Variants in MTFR1 observed in about 807,000 individuals in gnomAD.
MTFR1 encodes chondrocyte protein with a poly-proline region.
Under a neutral mutation model 38.8 loss-of-function variants are expected in MTFR1, and 28 were observed. That is an observed-to-expected ratio of 0.72 (90% CI 0.53 to 0.99). The LOEUF (loss-of-function observed/expected upper bound fraction) is 0.99. Among genes scored for constraint, MTFR1 ranks in the 50% least tolerant of loss-of-function variants. The pLI is 0.00. For synonymous variants in MTFR1, 145 were observed against 137.0 expected (o/e 1.06, Z -0.41); for missense variants, 358 against 395.5 (o/e 0.91, Z 0.81).
At position 65,663,372 on chromosome 8, in the gene MTFR1, T is replaced by C. The variant is rs530747667; in HGVS notation, c.-80-6501T>C. Reference sequence around the variant, plus strand: ...GTCATCACCACTCTCTAATCTCAAGTACCCAGGGACACAAACACTGTGGAA... The same window carrying C: ...GTCATCACCACTCTCTAATCTCAAGCACCCAGGGACACAAACACTGTGGAA... On this transcript the variant is annotated intron_variant, in intron 1 of 7. Coordinates refer to ENST00000262146, the MANE Select transcript of MTFR1 (RefSeq NM_014637.4). Among the ~76,000 whole-genome samples the C allele has an allele frequency of 2.0e-4, 31 of 151,978 alleles. No individual in the cohort carries two copies. In the East Asian group the frequency reaches 5.8e-3, roughly 28 times the overall value.
chr8:65,753,347 T>A (rs1808057373), intron 3 of MTFR1, among the ~76,000 whole-genome samples: 1 of 152,186 alleles, frequency 6.6e-6, no homozygotes, highest in African/African-American at 2.4e-5. Flanking sequence ...AATGGCTCTC[T>A]CCTTCTCTGC....
At chr8:65,663,692 T>G (rs1183083031) in intron 1 of MTFR1, among the ~76,000 whole-genome samples, 1 of 152,046 alleles carries the variant, frequency 6.6e-6, no homozygotes, top group East Asian at 1.9e-4. Flanking sequence ...TGGAGCTCTC[T>G]TAATTACTTG....
At chr8:65,767,139 T>C (rs115656531) in intron 3 of MTFR1, among the ~76,000 whole-genome samples, 61 of 152,302 alleles carry the variant, frequency 4.0e-4, no homozygotes, top group African/African-American at 1.4e-3. Context: ...GTGGCTAATC[T>C]TGTAGCCCTC....
intron 2 of MTFR1, 66 bp downstream of exon 2, chr8:65,670,084 A>G (rs1804527970): frequency 5.1e-6 from 7 of 1,366,558 alleles, no homozygotes; most frequent in Non-Finnish European, 6.1e-6. Context: ...TTTCTGAGAA[A>G]ATGAAATAAA....
intron 1 of MTFR1, among the ~76,000 whole-genome samples, chr8:65,646,171 T>A (rs960945006): frequency 6.6e-6 from 1 of 152,228 alleles, no homozygotes; most frequent in Non-Finnish European, 1.5e-5. Context: ...ACTGTGAAGT[T>A]GTTTCCACCT....
chr8:65,703,438 T>G (rs1036628632), intron 4 of MTFR1, among the ~76,000 whole-genome samples: 22 of 130,494 alleles, frequency 1.7e-4, no homozygotes, highest in African/African-American at 5.5e-4. Flanking sequence ...TTTTTTTTTT[T>G]TTTTTTTTTT....
intron 3 of MTFR1, chr8:65,727,193 G>A (rs1226769052): frequency 1.9e-6 from 3 of 1,607,246 alleles, no homozygotes; most frequent in Non-Finnish European, 2.6e-6. Context: ...GCCAAGTAAT[G>A]GTTAGTTTTA....
At chr8:65,660,392 C>T (rs1809379587) in intron 1 of MTFR1, among the ~76,000 whole-genome samples, 1 of 150,174 alleles carries the variant, frequency 6.7e-6, no homozygotes. Flanking sequence ...GCTGGTAAAA[C>T]ATCACTACTG....
At chr8:65,701,487 T>C (rs1048065837) in intron 4 of MTFR1, among the ~76,000 whole-genome samples, 3 of 152,238 alleles carry the variant, frequency 2.0e-5, no homozygotes, top group Non-Finnish European at 4.4e-5. Context: ...TATATTAATT[T>C]CTAGTTGTAT....
chr8:65,757,712 G>A (rs570690035), intron 3 of MTFR1, among the ~76,000 whole-genome samples: 73 of 152,226 alleles, frequency 4.8e-4, no homozygotes, highest in African/African-American at 1.7e-3. Context: ...TCTGCTTCCC[G>A]GGTCCAAGTG....
chr8:65,672,899 TG>T (rs1804601103), intron 2 of MTFR1, among the ~76,000 whole-genome samples: 1 of 152,216 alleles, frequency 6.6e-6, no homozygotes, highest in African/African-American at 2.4e-5. Flanking sequence ...CTTAAGGGAA[TG>T]TTGTGGCTGG....
rs377417375 is a variant in MTFR1 at position 65,669,947 on chromosome 8, A to G, written c.-6A>G. ...AATGCAAATTTGGGGAGACTTTGCC[A>G]TATAAATGCTTGGCTGGATTAAGCG... On this transcript the variant is annotated 5_prime_UTR_variant, in exon 2 of 8. Transcript: ENST00000262146. 1.6e-5 allele frequency: 25 copies of G among 1,605,688 alleles called. No homozygotes were observed. The highest frequency in any genetic ancestry group is 1.1e-5 in the South Asian group (1 of 88,548).
At chr8:65,683,997 A>G (rs1804989181) in intron 3 of MTFR1, among the ~76,000 whole-genome samples, 1 of 152,098 alleles carries the variant, frequency 6.6e-6, no homozygotes, top group Admixed American at 6.6e-5. Context: ...GTTCAATTCC[A>G]TCAATGTCTT....
chr8:65,658,730 G>A (rs1809333096), intron 1 of MTFR1, among the ~76,000 whole-genome samples: 1 of 152,104 alleles, frequency 6.6e-6, no homozygotes, highest in African/African-American at 2.4e-5. Flanking sequence ...GTGTAACACA[G>A]AAGAAAGTAC....
intron 1 of MTFR1, among the ~76,000 whole-genome samples, chr8:65,662,407 G>T (rs1336710636): frequency 6.6e-6 from 1 of 151,278 alleles, no homozygotes; most frequent in Non-Finnish European, 1.5e-5. Context: ...GTGCTCAATG[G>T]TGCCCAGGCT....
At chr8:65,738,375 C>T (rs1056924362) in intron 3 of MTFR1, among the ~76,000 whole-genome samples, 1 of 152,142 alleles carries the variant, frequency 6.6e-6, no homozygotes, top group Non-Finnish European at 1.5e-5. Flanking sequence ...CTTTGGACTT[C>T]AAACTCAGAG....
At chr8:65,654,451 A>T (rs1371197962) in intron 1 of MTFR1, among the ~76,000 whole-genome samples, 1 of 152,080 alleles carries the variant, frequency 6.6e-6, no homozygotes, top group African/African-American at 2.4e-5. Flanking sequence ...GGTCATTTAG[A>T]TTACCTTTGG....
chr8:65,654,165 A>C (rs1433803755), intron 1 of MTFR1, among the ~76,000 whole-genome samples: 2 of 152,148 alleles, frequency 1.3e-5, no homozygotes, highest in African/African-American at 4.8e-5. Context: ...AGTGTATAAT[A>C]AAAGTGGAGG....
rs141123968 is a variant in MTFR1, at chr8:65,709,786, T to C, written c.*742T>C. The C allele has an allele frequency of 5.7e-3, 868 of 152,806 alleles. 7 individuals are homozygous for C. Among genetic ancestry groups the C allele is most frequent in the African/African-American group, 0.02 (823 of 41,592 alleles). 9.5% of individuals were successfully genotyped at this position (152,806 alleles called of 1,614,324 possible). A position where few individuals can be genotyped will look rare whatever the true frequency, so the allele number is the denominator to read the frequency against. ...AGTAGTGATGAATCAAATTATTGAA[T>C]TAAATTTCTTCTTAAGAAGTAAAAA... is the stretch of plus-strand genomic sequence containing the variant. On this transcript the variant is annotated 3_prime_UTR_variant, in exon 8 of 8. Coordinates refer to ENST00000262146, the MANE Select transcript of MTFR1 (RefSeq NM_014637.4).
Sources: allele counts gnomAD v4.1 joint callset (sites outside exome capture counted in the v4.1 genomes callset), GRCh38; gene constraint gnomAD v4.1.1; transcripts MANE v1.5; gene names NCBI Gene and HGNC (gene_info 2026-07-23, HGNC 2026-07-21).